SPMAP1: variants seen among roughly 807,000 people sequenced by gnomAD.
SPMAP1 encodes the protein sperm microtubule associated protein 1, also known as uncharacterized protein C17orf98.
At chr17:38,838,600 AAAAAT>A in the SPMAP1 span, among the ~76,000 whole-genome samples, 3 of 151,878 alleles carry the variant, frequency 2.0e-5, no homozygotes, top group East Asian at 1.9e-4. Context: ...ACTCCACCTC[AAAAAT>A]AAAATAAAAT....
the SPMAP1 span, chr17:38,841,137 T>C: frequency 2.7e-6 from 4 of 1,471,730 alleles, no homozygotes; most frequent in Non-Finnish European, 3.8e-6. Flanking sequence ...AACGCTGGAG[T>C]GAAGATTTAG....
At chr17:38,837,208 T>C in the SPMAP1 span, 32 of 1,613,958 alleles carry the variant, frequency 2.0e-5, no homozygotes, top group Non-Finnish European at 2.5e-5. Flanking sequence ...TGTAGTCTAC[T>C]ATCCAGCCAT....
At chr17:38,839,928 A>G in the SPMAP1 span, among the ~76,000 whole-genome samples, 12,697 of 152,112 alleles carry the variant, frequency 0.083, 758 homozygotes, top group Non-Finnish European at 0.13. Flanking sequence ...AATCCCGAAG[A>G]TTTGCTCACA....
the SPMAP1 span, chr17:38,841,367 C>A: frequency 1.2e-6 from 2 of 1,614,080 alleles, no homozygotes; most frequent in South Asian, 2.2e-5. Flanking sequence ...CAGTCGCAGG[C>A]GACACTCGCT....
At chr17:38,835,475 C>G in the SPMAP1 span, 1 of 949,456 alleles carries the variant, frequency 1.1e-6, no homozygotes, top group Non-Finnish European at 1.6e-6. Flanking sequence ...AACACGCAAT[C>G]CACAAGTGTC....
chr17:38,840,742 G>C, the SPMAP1 span, among the ~76,000 whole-genome samples: 1 of 151,730 alleles, frequency 6.6e-6, no homozygotes, highest in Admixed American at 6.6e-5. Flanking sequence ...GGAGGTGGAA[G>C]CTGCAGTGAG....
At chr17:38,838,031 C>T in the SPMAP1 span, among the ~76,000 whole-genome samples, 20 of 152,106 alleles carry the variant, frequency 1.3e-4, no homozygotes, top group Non-Finnish European at 2.1e-4. Context: ...ATTACAGGCA[C>T]GCGCCACCAT....
At chr17:38,839,467 CA>C in the SPMAP1 span, among the ~76,000 whole-genome samples, 308 of 124,844 alleles carry the variant, frequency 2.5e-3, 1 homozygote, top group South Asian at 5.5e-3. Flanking sequence ...GACCCTGTCT[CA>C]AAAAAAAAAA....
chr17:38,835,259 C>A, the SPMAP1 span: 4 of 1,614,140 alleles, frequency 2.5e-6, no homozygotes, highest in Middle Eastern at 4.9e-4. Flanking sequence ...AGTGTTCCTG[C>A]GGTAGCCAAA....
the SPMAP1 span, chr17:38,837,229 A>G: frequency 1.9e-6 from 3 of 1,613,042 alleles, no homozygotes; most frequent in Non-Finnish European, 2.5e-6. Context: ...CCCTTCCTGT[A>G]CCGCCATGAT....
At chr17:38,839,612 C>G in the SPMAP1 span, among the ~76,000 whole-genome samples, 1 of 151,838 alleles carries the variant, frequency 6.6e-6, no homozygotes, top group Non-Finnish European at 1.5e-5. Context: ...ACAGTGAAAC[C>G]CCGTCTCTAC....
chr17:38,835,241 AG>A, the SPMAP1 span: 1 of 1,614,196 alleles, frequency 6.2e-7, no homozygotes, highest in African/African-American at 1.3e-5. Context: ...GCTCTGACGG[AG>A]GGCTGGAGTG....
chr17:38,837,102 A>G, the SPMAP1 span: 16 of 1,436,134 alleles, frequency 1.1e-5, no homozygotes, highest in Admixed American at 1.7e-5. Flanking sequence ...GCTATGGCCC[A>G]GGAACCATGA....
the SPMAP1 span, among the ~76,000 whole-genome samples, chr17:38,836,517 G>A: frequency 7.2e-4 from 109 of 151,834 alleles, no homozygotes; most frequent in Non-Finnish European, 1.3e-3. Flanking sequence ...GGAGGATTGC[G>A]CAAGCCCAGG....
chr17:38,837,137 T>C, the SPMAP1 span: 32 of 1,601,784 alleles, frequency 2.0e-5, no homozygotes, highest in Non-Finnish European at 2.6e-6. Context: ...GAGGCAGCAC[T>C]TGCCTGTCCC....
chr17:38,835,308 T>G, the SPMAP1 span: 1 of 1,614,032 alleles, frequency 6.2e-7, no homozygotes, highest in Non-Finnish European at 8.5e-7. Flanking sequence ...AGATCAGCAT[T>G]GTAGTGGTCA....
chr17:38,836,787 G>C, the SPMAP1 span, among the ~76,000 whole-genome samples: 2 of 151,784 alleles, frequency 1.3e-5, no homozygotes, highest in South Asian at 4.2e-4. Flanking sequence ...GTAGAGACAG[G>C]GTTCAACCAG....
the SPMAP1 span, chr17:38,841,241 T>G: frequency 1.4e-5 from 22 of 1,613,988 alleles, no homozygotes; most frequent in Admixed American, 3.3e-5. Flanking sequence ...GCTGCGGGCG[T>G]GGTAGTCCTG....
chr17:38,836,122 G>A, the SPMAP1 span, among the ~76,000 whole-genome samples: 73,792 of 151,546 alleles, frequency 0.49, 18,665 homozygotes, highest in Middle Eastern at 0.68. Context: ...CACTATGTTA[G>A]CCAGGCTGGT....
Sources: gnomAD v4.1 joint callset for allele counts (sites outside exome capture counted in the v4.1 genomes callset) on GRCh38, gnomAD v4.1.1 for gene constraint, MANE v1.5 for transcripts, NCBI Gene and HGNC (gene_info 2026-07-23, HGNC 2026-07-21) for gene names.